The following PXDNL variants were observed in gnomAD, a reference collection of about 807,000 sequenced individuals.
PXDNL encodes the protein peroxidasin like, also known as probable oxidoreductase PXDNL.
In PXDNL, 145 loss-of-function variants were observed where a neutral mutation model predicts 150.8. The ratio of observed to expected loss-of-function variants is 0.96; its 90% CI spans 0.84 to 1.10. The LOEUF (loss-of-function observed/expected upper bound fraction) is 1.10, where lower values mean the gene tolerates loss of function less well. PXDNL is among the 50% of genes least tolerant of loss of function. The probability of loss-of-function intolerance (pLI) is 0.00; values close to 1 mark genes in which losing one functional copy is unlikely to be tolerated. For missense variants in PXDNL, 2,087 were observed against 1,873.9 expected (o/e 1.11, Z -2.10); for synonymous variants, 757 against 725.7 (o/e 1.04, Z -0.69).
intron 1 of PXDNL, among the ~76,000 whole-genome samples, chr8:51,750,449 T>G (rs1476448039): frequency 6.6e-6 from 1 of 152,202 alleles, no homozygotes; most frequent in East Asian, 1.9e-4. Flanking sequence ...CACAGACACC[T>G]GCGTAATGCA....
chr8:51,357,383 C>A (rs753601798), intron 19 of PXDNL, among the ~76,000 whole-genome samples: 2 of 152,174 alleles, frequency 1.3e-5, no homozygotes, highest in Non-Finnish European at 2.9e-5. Context: ...AGTTCCTGTG[C>A]AAATCACAGC....
intron 4 of PXDNL, among the ~76,000 whole-genome samples, chr8:51,544,500 ATTG>A (rs1433361262): frequency 6.6e-6 from 1 of 152,182 alleles, no homozygotes; most frequent in African/African-American, 2.4e-5. Flanking sequence ...ATTCTATGAC[ATTG>A]TTGTGTTTAC....
intron 6 of PXDNL, among the ~76,000 whole-genome samples, chr8:51,480,572 G>A (rs1233926126): frequency 6.6e-6 from 1 of 152,090 alleles, no homozygotes; most frequent in Non-Finnish European, 1.5e-5. Flanking sequence ...AGATTTAGAG[G>A]GGAGAACATC....
chr8:51,743,745 A>G (rs756829997), intron 1 of PXDNL, among the ~76,000 whole-genome samples: 8 of 151,932 alleles, frequency 5.3e-5, no homozygotes, highest in Admixed American at 1.3e-4. Context: ...CAAACTCCCG[A>G]CCTCAAGCAA....
chr8:51,601,184 A>T (rs1359748058), intron 2 of PXDNL, among the ~76,000 whole-genome samples: 1 of 151,668 alleles, frequency 6.6e-6, no homozygotes, highest in East Asian at 1.9e-4. Flanking sequence ...AGGTGAGAGA[A>T]TATATATTCT....
chr8:51,602,463 C>T (rs1375871144), intron 2 of PXDNL, among the ~76,000 whole-genome samples: 1 of 151,898 alleles, frequency 6.6e-6, no homozygotes, highest in African/African-American at 2.4e-5. Context: ...GCTTAGTCCA[C>T]ATAAATTTAT....
chr8:51,429,243 T>A (rs1317166399), intron 12 of PXDNL, among the ~76,000 whole-genome samples: 1 of 152,194 alleles, frequency 6.6e-6, no homozygotes, highest in East Asian at 1.9e-4. Context: ...GAATGTAAGA[T>A]GGTACAGACA....
chr8:51,683,056 G>A (rs1815787897), intron 1 of PXDNL, among the ~76,000 whole-genome samples: 1 of 150,552 alleles, frequency 6.6e-6, no homozygotes, highest in South Asian at 2.1e-4. Flanking sequence ...TTAATTTTCT[G>A]AGGAATCTCC....
chr8:51,645,265 G>A (rs1435477988), intron 2 of PXDNL, among the ~76,000 whole-genome samples: 1 of 151,966 alleles, frequency 6.6e-6, no homozygotes, highest in Non-Finnish European at 1.5e-5. Context: ...CCCACACTAG[G>A]GACAGCCATC....
chr8:51,508,761 C>A (rs1473678369), intron 4 of PXDNL, among the ~76,000 whole-genome samples: 1 of 152,196 alleles, frequency 6.6e-6, no homozygotes, highest in African/African-American at 2.4e-5. Context: ...CAGCCCCATG[C>A]CCATGTGGCT....
At chr8:51,360,335 A>C (rs534344034) in intron 19 of PXDNL, among the ~76,000 whole-genome samples, 1 of 152,338 alleles carries the variant, frequency 6.6e-6, no homozygotes, top group East Asian at 1.9e-4. Context: ...ACATCTGCAT[A>C]TACACACCTG....
intron 4 of PXDNL, among the ~76,000 whole-genome samples, chr8:51,555,111 G>A (rs1038641413): frequency 3.3e-5 from 5 of 152,090 alleles, no homozygotes; most frequent in Admixed American, 6.6e-5. Context: ...ACAGAAATTC[G>A]TTGGCTCACA....
At chr8:51,656,638 C>T (rs1376471899) in intron 1 of PXDNL, among the ~76,000 whole-genome samples, 1 of 152,032 alleles carries the variant, frequency 6.6e-6, no homozygotes, top group Non-Finnish European at 1.5e-5. Context: ...AAAGATAAAC[C>T]ATTTTCCTTA....
chr8:51,431,517 CTT>C (rs1362619552), intron 12 of PXDNL, among the ~76,000 whole-genome samples: 1 of 152,144 alleles, frequency 6.6e-6, no homozygotes, highest in Non-Finnish European at 1.5e-5. Flanking sequence ...TTGAATGCAC[CTT>C]TTTGTGGCTT....
At chr8:51,332,555 T>C (rs11777663) in intron 21 of PXDNL, among the ~76,000 whole-genome samples, 6,441 of 150,912 alleles carry the variant, frequency 0.043, 288 homozygotes, top group African/African-American at 0.11. Flanking sequence ...AAGGCGAAGC[T>C]CAATGCAAGA....
intron 4 of PXDNL, among the ~76,000 whole-genome samples, chr8:51,506,249 G>A (rs1811283360): frequency 6.6e-6 from 1 of 152,080 alleles, no homozygotes; most frequent in Non-Finnish European, 1.5e-5. Context: ...AATTAGAATA[G>A]TTACAGAAAA....
chr8:51,725,626 T>A (rs1349858708), intron 1 of PXDNL, among the ~76,000 whole-genome samples: 1 of 152,182 alleles, frequency 6.6e-6, no homozygotes, highest in Non-Finnish European at 1.5e-5. Flanking sequence ...CCCTTGAAGC[T>A]CCTCGTTGCA....
intron 17 of PXDNL, among the ~76,000 whole-genome samples, chr8:51,389,789 T>C (rs992326086): frequency 6.6e-6 from 1 of 152,224 alleles, no homozygotes; most frequent in African/African-American, 2.4e-5. Flanking sequence ...AAGCTCATTT[T>C]ACTGAACTTA....
At chr8:51,457,426 T>C (rs562948472) in intron 9 of PXDNL, 72 bp downstream of exon 9, 2 of 1,228,240 alleles carry the variant, frequency 1.6e-6, no homozygotes, top group East Asian at 2.5e-5. Flanking sequence ...AAGTATTACA[T>C]ACTCTAAAGC....
Sources: allele counts gnomAD v4.1 joint callset (sites outside exome capture counted in the v4.1 genomes callset), GRCh38; gene constraint gnomAD v4.1.1; transcripts MANE v1.5; gene names NCBI Gene and HGNC (gene_info 2026-07-23, HGNC 2026-07-21).